EYS: variants seen among roughly 807,000 people sequenced by gnomAD.
EYS encodes EGF-like photoreceptor maintenance factor.
In EYS, 250 loss-of-function variants were observed where a neutral mutation model predicts 282.1. That is an observed-to-expected ratio of 0.89 (90% CI 0.80 to 0.98). EYS has a LOEUF of 0.98. Among genes scored for constraint, EYS ranks in the 50% least tolerant of loss-of-function variants. EYS has a pLI of 0.00. For synonymous variants in EYS, 1,355 were observed against 1,282.9 expected (o/e 1.06, Z -1.20); for missense variants, 4,016 against 3,709.0 (o/e 1.08, Z -2.15).
At chr6:65,490,561 G>T in intron 5 of EYS, 33 bp downstream of exon 5, 1 of 1,072,618 alleles carries the variant, frequency 9.3e-7, no homozygotes, top group Non-Finnish European at 1.4e-6. Flanking sequence ...AAAGTTACTT[G>T]TGTATATGGT....
rs1378552348 is a variant in EYS at position 63,943,281 on chromosome 6, CAG to C, written c.7055+41100_7055+41101del. Among the ~76,000 whole-genome samples the C allele has an allele frequency of 3.9e-5, 6 of 152,298 alleles. No homozygotes were observed. In the East Asian group the frequency reaches 1.2e-3, roughly 29 times the overall value. On this transcript the variant is annotated intron_variant, in intron 35 of 42. Coordinates refer to ENST00000503581, the MANE Select transcript of EYS (RefSeq NM_001142800.2). Reference sequence around the variant, plus strand: ...TTTTCAGGAGAAAGGGTATCAAACTCAGAGTTAACTTACTTAGGTGGCTACTA... The same window carrying C: ...TTTTCAGGAGAAAGGGTATCAAACTCAGTTAACTTACTTAGGTGGCTACTA...
chr6:64,296,581 TATACATATATATATA>T (rs1561913793), intron 30 of EYS, among the ~76,000 whole-genome samples: 5 of 6,588 alleles, frequency 7.6e-4, no homozygotes, highest in African/African-American at 4.4e-3. Context: ...TATATATATA[TATACATATATATATA>T]TATTTTTTTT....
At chr6:64,392,881 C>G (rs570579843) in intron 28 of EYS, among the ~76,000 whole-genome samples, 1 of 151,666 alleles carries the variant, frequency 6.6e-6, no homozygotes, top group Admixed American at 6.6e-5. Context: ...AGACCGCTAG[C>G]AAGACTAATA....
At chr6:64,395,266 G>A (rs1204954436) in intron 28 of EYS, among the ~76,000 whole-genome samples, 1 of 152,116 alleles carries the variant, frequency 6.6e-6, no homozygotes, top group Non-Finnish European at 1.5e-5. Context: ...ATTTGACCCA[G>A]CCATCCCATT....
At chr6:64,376,499 C>T (rs1168799665) in intron 29 of EYS, among the ~76,000 whole-genome samples, 2 of 152,178 alleles carry the variant, frequency 1.3e-5, no homozygotes, top group African/African-American at 4.8e-5. Context: ...TTAGAAACTT[C>T]CCTGCTCCAC....
rs1221058442 is a variant in EYS, at chr6:64,590,730, G to A, written c.5137C>T (p.Pro1713Ser). Residue 1713 changes from proline (P) to serine (S), a missense_variant, in exon 26 of 43, where the codon CCC becomes TCC. Coordinates refer to ENST00000503581, the MANE Select transcript of EYS (RefSeq NM_001142800.2). The part of the protein sequence containing the change: ...KIRQYGITMG[P>S]TEVLNQESLL... ...CTCTCTTGATTTAGTACCTCAGTGG[G>A]TCCCATAGTTATGCCATATTGTCTT... 7.1e-6 allele frequency: 11 copies of A among 1,550,800 alleles called. No individual in the cohort carries two copies. The highest frequency in any genetic ancestry group is 8.7e-6 in the Non-Finnish European group (10 of 1,146,498).
At position 64,518,933 on chromosome 6, in the gene EYS, C is replaced by G. The variant is rs1223857458; in HGVS notation, c.5644+71290G>C. ...AATTAAACCTCTTTCCTTTATAAAT[C>G]ACCCAGTCTCCAGTATGTCTTTTTT... is the stretch of plus-strand genomic sequence containing the variant. On this transcript the variant is annotated intron_variant, in intron 26 of 42. Coordinates refer to ENST00000503581, the MANE Select transcript of EYS (RefSeq NM_001142800.2). Among the ~76,000 whole-genome samples the G allele has an allele frequency of 3.9e-5, 6 of 151,928 alleles. No homozygotes were observed. In the East Asian group the frequency reaches 1.2e-3, roughly 30 times the overall value.
chr6:64,349,131 G>A (rs893309545), intron 29 of EYS, among the ~76,000 whole-genome samples: 1 of 151,228 alleles, frequency 6.6e-6, no homozygotes, highest in Non-Finnish European at 1.5e-5. Flanking sequence ...TGGAATATAC[G>A]CTCAGTTTTG....
chr6:64,326,688 T>G (rs1770432605), intron 29 of EYS, among the ~76,000 whole-genome samples: 1 of 152,146 alleles, frequency 6.6e-6, no homozygotes, highest in South Asian at 2.1e-4. Context: ...AGCTCCAGGA[T>G]GTGGGAGACT....
At chr6:64,387,018 T>C (rs1338344574) in intron 29 of EYS, among the ~76,000 whole-genome samples, 27 of 152,140 alleles carry the variant, frequency 1.8e-4, no homozygotes, top group Non-Finnish European at 1.5e-5. Context: ...TATACCATTT[T>C]GCATTTTACA....
chr6:64,420,707 C>T (rs1774203758), intron 28 of EYS, among the ~76,000 whole-genome samples: 1 of 152,136 alleles, frequency 6.6e-6, no homozygotes, highest in Admixed American at 6.5e-5. Context: ...CCTAAATCAT[C>T]TCTCTCATGT....
At chr6:63,764,840 T>C (rs1287992783) in intron 40 of EYS, among the ~76,000 whole-genome samples, 1 of 151,948 alleles carries the variant, frequency 6.6e-6, no homozygotes, top group Non-Finnish European at 1.5e-5. Context: ...ATATAATTAG[T>C]TATTATATAA....
At chr6:64,331,796 C>T (rs1289648343) in intron 29 of EYS, among the ~76,000 whole-genome samples, 1 of 152,174 alleles carries the variant, frequency 6.6e-6, no homozygotes, top group Non-Finnish European at 1.5e-5. Flanking sequence ...GAAACTGGAG[C>T]TACACCGTGT....
chr6:65,091,921 C>T (rs985983471), intron 12 of EYS, among the ~76,000 whole-genome samples: 17 of 152,238 alleles, frequency 1.1e-4, no homozygotes, highest in African/African-American at 3.4e-4. Flanking sequence ...ATCCCACCTG[C>T]CTACGGTCCC....
chr6:65,248,051 A>C (rs1049045648), intron 12 of EYS, among the ~76,000 whole-genome samples: 2 of 152,168 alleles, frequency 1.3e-5, no homozygotes, highest in Admixed American at 1.3e-4. Flanking sequence ...GATTATTTAA[A>C]AGAAAGAAAA....
intron 15 of EYS, among the ~76,000 whole-genome samples, chr6:64,913,615 C>T (rs1768069487): frequency 6.6e-6 from 1 of 152,122 alleles, no homozygotes; most frequent in Admixed American, 6.5e-5. Context: ...TTGTAGGATT[C>T]CACAGTGTAT....
chr6:64,301,962 G>C (rs889100036), intron 30 of EYS, among the ~76,000 whole-genome samples: 1 of 152,114 alleles, frequency 6.6e-6, no homozygotes, highest in Non-Finnish European at 1.5e-5. Flanking sequence ...TATTGTTAGC[G>C]ACTCTGCTTA....
At position 65,371,469 on chromosome 6, in the gene EYS, G is replaced by A. The variant is rs368183039; in HGVS notation, c.1299+12917C>T. Among the ~76,000 whole-genome samples, 6 of 150,066 alleles carry A rather than the reference G, an allele frequency of 4.0e-5. No individual in the cohort carries two copies. The East Asian group carries it at 7.8e-4, about 20-fold the overall frequency. On this transcript the variant is annotated intron_variant, in intron 8 of 42. Transcript: ENST00000503581. ...TAACATTTGAGAAAATACCTACACA[G>A]AATGAAGAAACTGATGAATAATAAA...
chr6:64,008,076 T>C (rs752809981), intron 33 of EYS, among the ~76,000 whole-genome samples: 48 of 152,148 alleles, frequency 3.2e-4, no homozygotes, highest in Non-Finnish European at 5.3e-4. Context: ...CTCAGTGGGG[T>C]GTTTAAATCT....
Sources: allele counts gnomAD v4.1 joint callset (sites outside exome capture counted in the v4.1 genomes callset), GRCh38; gene constraint gnomAD v4.1.1; transcripts MANE v1.5; gene names NCBI Gene and HGNC (gene_info 2026-07-23, HGNC 2026-07-21).